Variants in ARFGEF3 observed in about 807,000 individuals in gnomAD.
The protein encoded by ARFGEF3 is ARFGEF family member 3, also known as brefeldin A-inhibited guanine nucleotide-exchange protein 3.
In ARFGEF3, 96 loss-of-function variants were observed where a neutral mutation model predicts 221.7. The observed-to-expected ratio is 0.43, with a 90% confidence interval of 0.37 to 0.51. The LOEUF (loss-of-function observed/expected upper bound fraction) is 0.51, where lower values mean the gene tolerates loss of function less well. Ranked by LOEUF, ARFGEF3 falls within the 20% of genes least tolerant of loss-of-function variation. ARFGEF3 has a pLI of 0.00. For synonymous variants in ARFGEF3, 1,145 were observed against 1,126.8 expected, an observed-to-expected ratio of 1.02 and a Z score of -0.32; for missense variants, 2,410 against 2,789.9, an observed-to-expected ratio of 0.86 and a Z score of 3.07.
intron 2 of ARFGEF3, among the ~76,000 whole-genome samples, chr6:138,192,926 T>C (rs1223921302): frequency 2.0e-5 from 3 of 152,228 alleles, no homozygotes. Context: ...TTTTTTATGA[T>C]AGTCTGTTTT....
intron 2 of ARFGEF3, among the ~76,000 whole-genome samples, chr6:138,188,936 T>C (rs945042742): frequency 6.6e-6 from 1 of 152,232 alleles, no homozygotes; most frequent in African/African-American, 2.4e-5. Context: ...GATGGGGATG[T>C]TCAGTAGTTG....
At chr6:138,249,625 G>A (rs1485243156) in intron 8 of ARFGEF3, among the ~76,000 whole-genome samples, 1 of 152,196 alleles carries the variant, frequency 6.6e-6, no homozygotes, top group Non-Finnish European at 1.5e-5. Context: ...AGGAGTTTGA[G>A]AATAGGTTTT....
In ARFGEF3 at chr6:138,278,467, T is replaced by C. The variant is rs1453893435; in HGVS notation, c.2145T>C (p.Pro715=). ...STFCSGMMHS[P]GFDGNSSLSF... ...CTCCCTTAGGCATGATGCACTCTCCTGGCTTTGACGGGAATAGCAGCCTCA... is the reference window on the plus strand; with the variant it reads ...CTCCCTTAGGCATGATGCACTCTCCCGGCTTTGACGGGAATAGCAGCCTCA... Residue 715 remains proline (P), a synonymous_variant, in exon 13 of 34, where the codon CCT becomes CCC. Coordinates refer to ENST00000251691, the MANE Select transcript of ARFGEF3 (RefSeq NM_020340.5). 2 of 1,613,958 alleles carry C rather than the reference T, an allele frequency of 1.2e-6. No homozygotes were observed. Among genetic ancestry groups the C allele is most frequent in the Non-Finnish European group, 1.7e-6 (2 of 1,179,894 alleles).
At chr6:138,211,041 G>C (rs1213857896) in intron 4 of ARFGEF3, among the ~76,000 whole-genome samples, 1 of 152,154 alleles carries the variant, frequency 6.6e-6, no homozygotes, top group East Asian at 1.9e-4. Flanking sequence ...CCACTTCCTA[G>C]CAGAATGTCC....
chr6:138,228,839 C>T (rs1778139867), intron 4 of ARFGEF3, among the ~76,000 whole-genome samples: 1 of 152,220 alleles, frequency 6.6e-6, no homozygotes, highest in Admixed American at 6.5e-5. Context: ...AAGCTGCAGG[C>T]AGGGCATGGC....
At chr6:138,195,040 T>TCTC (rs1417075774) in intron 2 of ARFGEF3, among the ~76,000 whole-genome samples, 12 of 137,854 alleles carry the variant, frequency 8.7e-5, no homozygotes, top group Admixed American at 3.2e-4. Flanking sequence ...TCTCACTCTG[T>TCTC]CTCCCAGGCT....
At chr6:138,325,671 T>C (rs1780114035) in intron 31 of ARFGEF3, among the ~76,000 whole-genome samples, 1 of 152,236 alleles carries the variant, frequency 6.6e-6, no homozygotes, top group South Asian at 2.1e-4. Context: ...AGTTGTTACG[T>C]CTGGCTAAAG....
chr6:138,178,079 C>A (rs1776991353), intron 2 of ARFGEF3, among the ~76,000 whole-genome samples: 1 of 152,064 alleles, frequency 6.6e-6, no homozygotes, highest in Non-Finnish European at 1.5e-5. Flanking sequence ...GCATTTGGAG[C>A]AAGGGTAGCT....
intron 18 of ARFGEF3, among the ~76,000 whole-genome samples, chr6:138,290,780 GCCAGGGCAATGGCCAATGGC>G (rs1277430302): frequency 1.3e-5 from 2 of 152,178 alleles, no homozygotes; most frequent in African/African-American, 2.4e-5. Flanking sequence ...GGCAAGAGTG[GCCAGGGCAATGGCCAATGGC>G]CCAGGGCACC....
Position 138,296,899 on chromosome 6 carries a change from C to T in ARFGEF3, c.3592C>T (p.Arg1198Trp), listed in dbSNP as rs1482571015. The change falls in exon 21 of 34, where the codon CGG becomes TGG. Residue 1198 changes from arginine to tryptophan, a missense_variant. Coordinates refer to ENST00000251691, the MANE Select transcript of ARFGEF3 (RefSeq NM_020340.5). ...GCTGAGGATTGTGCGGAGCAAAGCA[C>T]GGCCCCTGCTCCACGTGATGCGCTG... ...AMLRIVRSKA[R>W]PLLHVMRCWS... 1.9e-6 allele frequency: 3 copies of T among 1,613,884 alleles called. No homozygotes were observed. Among genetic ancestry groups the T allele is most frequent in the South Asian group, 1.1e-5 (1 of 91,084 alleles).
chr6:138,229,662 T>C, intron 4 of ARFGEF3, 122 bp from the exon 5 acceptor site: 1 of 736,388 alleles, frequency 1.4e-6, no homozygotes, highest in Admixed American at 2.1e-5. Flanking sequence ...TAAAGAAATA[T>C]TAGGTAAAGC....
At position 138,255,707 on chromosome 6, in the gene ARFGEF3, C is replaced by T; in HGVS notation, c.1042C>T (p.His348Tyr). Reference protein sequence around the residue: ...SMKPVLQSLYHRVLLYPPPQH... With the variant: ...SMKPVLQSLYYRVLLYPPPQH... ...GAAGCCCGTGCTCCAGTCCCTCTACCACCGAGTGCTGCTCTACCCCCCACC... is the reference window on the plus strand; with the variant it reads ...GAAGCCCGTGCTCCAGTCCCTCTACTACCGAGTGCTGCTCTACCCCCCACC... Residue 348 changes from histidine to tyrosine, a missense_variant, in exon 10 of 34, where the codon CAC (histidine) becomes TAC (tyrosine). Coordinates refer to ENST00000251691, the MANE Select transcript of ARFGEF3 (RefSeq NM_020340.5). 6.2e-7 allele frequency: 1 copy of T among 1,611,304 alleles called. No individual in the cohort carries two copies. The highest frequency in any genetic ancestry group is 8.5e-7 in the Non-Finnish European group (1 of 1,178,334).
At chr6:138,269,107 G>A (rs1440978795) in intron 12 of ARFGEF3, among the ~76,000 whole-genome samples, 2 of 152,316 alleles carry the variant, frequency 1.3e-5, no homozygotes, top group East Asian at 3.9e-4. Context: ...CTCCCTAAGG[G>A]TCCCGTGATT....
At chr6:138,281,758 A>G (rs1583047507) in intron 14 of ARFGEF3, among the ~76,000 whole-genome samples, 6 of 152,196 alleles carry the variant, frequency 3.9e-5, no homozygotes, top group Admixed American at 3.9e-4. Flanking sequence ...GCAGTATGCC[A>G]TATTGTTGTG....
chr6:138,281,033 C>T (rs767797268), intron 14 of ARFGEF3, among the ~76,000 whole-genome samples: 2 of 151,896 alleles, frequency 1.3e-5, no homozygotes, highest in Admixed American at 6.6e-5. Flanking sequence ...GGGAATATGC[C>T]CGCCATAGTA....
intron 10 of ARFGEF3, among the ~76,000 whole-genome samples, 154 bp from the exon 11 acceptor site, chr6:138,261,373 T>C (rs1248992076): frequency 6.6e-6 from 1 of 152,222 alleles, no homozygotes; most frequent in Non-Finnish European, 1.5e-5. Flanking sequence ...CTAAATCAGC[T>C]TTACTAAGAT....
chr6:138,277,487 T>C (rs1779120448), intron 12 of ARFGEF3, among the ~76,000 whole-genome samples: 1 of 152,204 alleles, frequency 6.6e-6, no homozygotes, highest in African/African-American at 2.4e-5. Flanking sequence ...TATATCGGAG[T>C]AGAATTGCTG....
In ARFGEF3 at chr6:138,321,200, TC is replaced by T; in HGVS notation, c.4743del (p.Arg1582GlufsTer12). The T allele has an allele frequency of 6.4e-7, 1 of 1,556,102 alleles. No homozygotes were observed. Among genetic ancestry groups the T allele is most frequent in the Non-Finnish European group, 8.7e-7 (1 of 1,147,642 alleles). ...ACVAKPTETI[S>X]RVGCSCIRYV... ...TGTGGCCAAGCCCACTGAAACCATC[TC>T]CAGAGTGGGCTGCTCCTGTATTAGG... is the stretch of plus-strand genomic sequence containing the variant. On this transcript the variant is annotated frameshift_variant, in exon 29 of 34. Coordinates refer to ENST00000251691, the MANE Select transcript of ARFGEF3 (RefSeq NM_020340.5). LOFTEE classifies it high-confidence loss of function.
In ARFGEF3 at chr6:138,278,473, T is replaced by A. The variant is rs754525039; in HGVS notation, c.2151T>A (p.Phe717Leu). 1 of 1,613,968 alleles carries A rather than the reference T, an allele frequency of 6.2e-7. No individual in the cohort carries two copies. Among genetic ancestry groups the A allele is most frequent in the Non-Finnish European group, 8.5e-7 (1 of 1,179,892 alleles). ...FCSGMMHSPG[F>L]DGNSSLSFQM... ...TAGGCATGATGCACTCTCCTGGCTT[T>A]GACGGGAATAGCAGCCTCAGCTTCC... Residue 717 changes from phenylalanine (F) to leucine (L), a missense_variant, in exon 13 of 34, where the codon TTT becomes TTA. Physicochemically the swap from Phe to Leu is conservative, Grantham distance 22. Transcript: ENST00000251691.
Sources: gnomAD v4.1 joint callset for allele counts (sites outside exome capture counted in the v4.1 genomes callset) on GRCh38, gnomAD v4.1.1 for gene constraint, MANE v1.5 for transcripts, NCBI Gene and HGNC (gene_info 2026-07-23, HGNC 2026-07-21) for gene names.